The following RTTN variants were observed in gnomAD, a reference collection of about 807,000 sequenced individuals.
RTTN encodes rotatin.
In RTTN, 182 loss-of-function variants were observed where a neutral mutation model predicts 269.2. The observed-to-expected ratio is 0.68, with a 90% CI of 0.60 to 0.76. RTTN has a LOEUF of 0.76. Among genes scored for constraint, RTTN ranks in the 30% least tolerant of loss-of-function variants. The pLI is 0.00. For missense variants in RTTN, 2,545 were observed against 2,608.6 expected (o/e 0.98, Z 0.53); for synonymous variants, 1,006 against 963.5 (o/e 1.04, Z -0.82).
Position 70,177,552 on chromosome 18 carries a change from A to G in RTTN, c.1306-707T>C, listed in dbSNP as rs184896694. 3.2e-3 allele frequency among the ~76,000 whole-genome samples: 488 copies of G among 152,246 alleles called. 4 individuals carry two copies. The highest frequency in any genetic ancestry group is 5.0e-3 in the Non-Finnish European group (337 of 68,006). ...TAAGTCACATCAATATAGACAAAGT[A>G]TATCCCAGATATACTGATATGCCCC... On this transcript the variant is annotated intron_variant, in intron 10 of 48. Coordinates refer to ENST00000640769, the MANE Select transcript of RTTN (RefSeq NM_173630.4).
At chr18:70,142,153 T>A in intron 19 of RTTN, 135 bp downstream of exon 19, 1 of 601,884 alleles carries the variant, frequency 1.7e-6, no homozygotes, top group Non-Finnish European at 2.9e-6. Flanking sequence ...AAACCATTCT[T>A]GAGGGCTGTC....
intron 26 of RTTN, among the ~76,000 whole-genome samples, chr18:70,118,143 T>C (rs954548381): frequency 1.3e-5 from 2 of 151,230 alleles, no homozygotes; most frequent in African/African-American, 4.9e-5. Context: ...AAATAGAAAC[T>C]GGAAAAACAA....
intron 20 of RTTN, 45 bp from the exon 21 acceptor site, chr18:70,139,761 C>T (rs771113028): frequency 1.7e-6 from 2 of 1,147,540 alleles, no homozygotes; most frequent in South Asian, 2.5e-5. Context: ...CACCAATTAT[C>T]AGGTGAGATC....
At position 70,163,069 on chromosome 18, in the gene RTTN, T is replaced by TAAAAAAAAAAAAAAAAAAA. The variant is rs10559303; in HGVS notation, c.1929+2974_1929+2992dup. Among the ~76,000 whole-genome samples the TAAAAAAAAAAAAAAAAAAA allele has an allele frequency of 7.0e-5, 4 of 56,984 alleles. 1 individual carries two copies. Among genetic ancestry groups the TAAAAAAAAAAAAAAAAAAA allele is most frequent in the African/African-American group, 2.8e-4 (4 of 14,168 alleles). The allele number at this position is 56,984 out of a possible 152,430, so 37.4% of individuals were successfully genotyped here. The stretch of plus-strand genomic sequence containing the variant: ...CACCCATTAGGATGGTTACTATTAT[T>TAAAAAAAAAAAAAAAAAAA]AAAAAAAAAAAAAAAAAAAAAAAAA... On this transcript the variant is annotated intron_variant, in intron 14 of 48. Coordinates refer to ENST00000640769, the MANE Select transcript of RTTN (RefSeq NM_173630.4).
rs1312668215 is a variant in RTTN, at chr18:70,005,201, T to A, written c.6592A>T (p.Lys2198Ter). 4 of 1,606,450 alleles carry A rather than the reference T, an allele frequency of 2.5e-6. No individual in the cohort carries two copies. The highest frequency in any genetic ancestry group is 3.4e-6 in the Non-Finnish European group (4 of 1,175,874). ...TCTCTTTCTTATTGCAACTTACTTT[T>A]CTTTGCTAAGGAGTATGCTTCATCC... ...RVDEAYSLAKKTFPNSEANPL... is the reference protein window; with the variant it reads ...RVDEAYSLAK The change falls in exon 48 of 49, where the codon AAA becomes TAA. Residue 2198 changes from lysine to a stop codon, truncating the protein, a stop_gained. Coordinates refer to ENST00000640769, the MANE Select transcript of RTTN (RefSeq NM_173630.4). LOFTEE classifies it high-confidence loss of function.
intron 27 of RTTN, among the ~76,000 whole-genome samples, chr18:70,113,125 C>T (rs984209343): frequency 6.6e-5 from 10 of 151,990 alleles, no homozygotes; most frequent in East Asian, 3.9e-4. Flanking sequence ...TCAATGAGAA[C>T]GAAGACACAA....
chr18:70,083,053 T>A (rs937481293), intron 32 of RTTN, among the ~76,000 whole-genome samples: 9 of 152,136 alleles, frequency 5.9e-5, no homozygotes, highest in African/African-American at 2.2e-4. Flanking sequence ...TTTGTAAATA[T>A]CCCTCTGAAA....
intron 46 of RTTN, among the ~76,000 whole-genome samples, chr18:70,015,751 T>C (rs751121219): frequency 6.6e-6 from 1 of 152,070 alleles, no homozygotes; most frequent in Non-Finnish European, 1.5e-5. Flanking sequence ...AAGTGGAAAA[T>C]GCAGACTTCT....
In RTTN at chr18:70,073,907, G is replaced by A. The variant is rs200548446; in HGVS notation, c.4652C>T (p.Thr1551Met). 30 of 1,606,946 alleles carry A rather than the reference G, an allele frequency of 1.9e-5. No individual in the cohort carries two copies. The highest frequency in any genetic ancestry group is 1.7e-4 in the Middle Eastern group (1 of 6,052). Reference protein sequence around the residue: ...DPSSLSTSETTVAPSLGSTEF... With the variant: ...DPSSLSTSETMVAPSLGSTEF... ...GACTTATGCATTCTTTGCAAGTACCGTTGTTTCTGAGGTGGAGAGAGAACT... is the reference window on the plus strand; with the variant it reads ...GACTTATGCATTCTTTGCAAGTACCATTGTTTCTGAGGTGGAGAGAGAACT... The change falls in exon 34 of 49, where the codon ACG becomes ATG. Residue 1551 changes from threonine (T) to methionine (M), a missense_variant and splice_region_variant. Transcript: ENST00000640769.
chr18:70,119,903 A>G (rs1455604589), intron 26 of RTTN, among the ~76,000 whole-genome samples: 1 of 152,238 alleles, frequency 6.6e-6, no homozygotes, highest in Non-Finnish European at 1.5e-5. Flanking sequence ...AATGCTGGGT[A>G]TGCAATAATG....
At chr18:70,111,182 A>T (rs991149657) in intron 27 of RTTN, among the ~76,000 whole-genome samples, 2 of 151,996 alleles carry the variant, frequency 1.3e-5, no homozygotes, top group African/African-American at 4.8e-5. Context: ...AGAGCAGTGG[A>T]CCTCCCAGCA....
At chr18:70,153,432 A>T (rs1844260646) in intron 14 of RTTN, among the ~76,000 whole-genome samples, 1 of 152,162 alleles carries the variant, frequency 6.6e-6, no homozygotes, top group African/African-American at 2.4e-5. Context: ...ATATCACTAC[A>T]GTCTAGCATA....
intron 34 of RTTN, among the ~76,000 whole-genome samples, chr18:70,067,391 C>T (rs1315853778): frequency 2.0e-5 from 3 of 151,992 alleles, no homozygotes; most frequent in African/African-American, 7.3e-5. Flanking sequence ...GATCTCCTGA[C>T]CTCGTGATCC....
At chr18:70,173,491 C>CA (rs397974179) in intron 11 of RTTN, among the ~76,000 whole-genome samples, 4,519 of 47,728 alleles carry the variant, frequency 0.095, 232 homozygotes, top group African/African-American at 0.2. Flanking sequence ...GACTCCAACT[C>CA]AAAAAAAAAA....
At position 70,059,944 on chromosome 18, in the gene RTTN, C is replaced by T; in HGVS notation, c.4846G>A (p.Ala1616Thr). Residue 1616 changes from alanine to threonine, a missense_variant, in exon 36 of 49, where the codon GCA (alanine) becomes ACA (threonine). Coordinates refer to ENST00000640769, the MANE Select transcript of RTTN (RefSeq NM_173630.4). ...CVFVTPSLLS[A>T]MCSLLDNLLT... Reference sequence around the variant, plus strand: ...AGGTTGTCCAAGAGGCTGCACATTGCTGAAAGAAGAGATGGAGTAACAAAA... The same window carrying T: ...AGGTTGTCCAAGAGGCTGCACATTGTTGAAAGAAGAGATGGAGTAACAAAA... 6.2e-7 allele frequency: 1 copy of T among 1,613,952 alleles called. No individual in the cohort carries two copies. Among genetic ancestry groups the T allele is most frequent in the Admixed American group, 1.7e-5 (1 of 60,006 alleles).
At chr18:70,064,211 CTCTGTAA>C (rs2058069990) in intron 35 of RTTN, among the ~76,000 whole-genome samples, 1 of 150,714 alleles carries the variant, frequency 6.6e-6, no homozygotes, top group Non-Finnish European at 1.5e-5. Flanking sequence ...ACCGGCACAC[CTCTGTAA>C]TCCCAGCTAC....
At chr18:70,116,825 C>A (rs545487677) in intron 26 of RTTN, among the ~76,000 whole-genome samples, 1 of 152,032 alleles carries the variant, frequency 6.6e-6, no homozygotes, top group East Asian at 1.9e-4. Context: ...TACGGGAAAG[C>A]CAGCCAAGGA....
chr18:70,006,293 G>T, intron 47 of RTTN, 88 bp downstream of exon 47: 1 of 852,998 alleles, frequency 1.2e-6, no homozygotes, highest in South Asian at 1.6e-5. Flanking sequence ...TGTAACTCTT[G>T]ACACCTTTGG....
At chr18:70,072,686 G>A (rs1038299686) in intron 34 of RTTN, among the ~76,000 whole-genome samples, 3 of 152,104 alleles carry the variant, frequency 2.0e-5, no homozygotes, top group Admixed American at 6.6e-5. Flanking sequence ...ACTGAAATAT[G>A]TACAAAGATT....
Sources: allele counts gnomAD v4.1 joint callset (sites outside exome capture counted in the v4.1 genomes callset), GRCh38; gene constraint gnomAD v4.1.1; transcripts MANE v1.5; gene names NCBI Gene and HGNC (gene_info 2026-07-23, HGNC 2026-07-21).